The following EXOC6 variants were observed in gnomAD, a reference collection of about 807,000 sequenced individuals.
EXOC6 encodes exocyst complex component 6, also known as SEC15-like 1.
A neutral mutation model predicts 112.5 loss-of-function variants in EXOC6; 60 were observed. That is an observed-to-expected ratio of 0.53 (90% CI 0.43 to 0.66). The LOEUF (loss-of-function observed/expected upper bound fraction) is 0.66. EXOC6 is among the 30% of genes least tolerant of loss of function. The probability of loss-of-function intolerance (pLI) is 0.00; values close to 1 mark genes in which losing one functional copy is unlikely to be tolerated. For synonymous variants in EXOC6, 295 were observed against 308.0 expected (o/e 0.96, Z 0.44); for missense variants, 855 against 957.1 (o/e 0.89, Z 1.41).
intron 18 of EXOC6, among the ~76,000 whole-genome samples, chr10:92,981,366 C>T (rs1279385111): frequency 2.0e-5 from 3 of 152,154 alleles, no homozygotes; most frequent in Non-Finnish European, 2.9e-5. Context: ...TAACAGCTAA[C>T]ATTTTCTTCC....
At chr10:92,828,930 C>A (rs1472773166) in intron 1 of EXOC6, among the ~76,000 whole-genome samples, 4 of 152,004 alleles carry the variant, frequency 2.6e-5, no homozygotes, top group Middle Eastern at 3.4e-3. Flanking sequence ...GTAAGGAAGT[C>A]CTCCGTAAAC....
intron 1 of EXOC6, among the ~76,000 whole-genome samples, chr10:92,861,410 C>G (rs1424890359): frequency 6.6e-6 from 1 of 152,118 alleles, no homozygotes; most frequent in Non-Finnish European, 1.5e-5. Context: ...GCAGCTGGGT[C>G]CCCAATATCC....
intron 18 of EXOC6, among the ~76,000 whole-genome samples, chr10:92,976,393 C>T (rs1468620335): frequency 6.6e-6 from 1 of 152,094 alleles, no homozygotes; most frequent in Non-Finnish European, 1.5e-5. Flanking sequence ...GAAACATGTG[C>T]TGTGTCCACT....
intron 6 of EXOC6, among the ~76,000 whole-genome samples, chr10:92,911,888 A>G (rs1016222926): frequency 2.3e-5 from 3 of 131,514 alleles, no homozygotes; most frequent in African/African-American, 5.8e-5. Context: ...CTACCTTTCA[A>G]TTTCTTGTGG....
chr10:92,966,723 A>C (rs907467347), intron 17 of EXOC6, among the ~76,000 whole-genome samples: 2 of 146,594 alleles, frequency 1.4e-5, no homozygotes, highest in East Asian at 2.0e-4. Flanking sequence ...AGTCTTTGCT[A>C]TTGTGAATAG....
intron 20 of EXOC6, among the ~76,000 whole-genome samples, chr10:93,044,982 C>T (rs1349485100): frequency 2.6e-5 from 4 of 152,134 alleles, no homozygotes; most frequent in Non-Finnish European, 5.9e-5. Flanking sequence ...AAGCAATTCT[C>T]CTGCCTCAGC....
At chr10:92,940,385 T>TG (rs1852588384) in intron 12 of EXOC6, among the ~76,000 whole-genome samples, 1 of 152,164 alleles carries the variant, frequency 6.6e-6, no homozygotes, top group African/African-American at 2.4e-5. Context: ...CTTGTATCCT[T>TG]GGGCACCACT....
intron 1 of EXOC6, among the ~76,000 whole-genome samples, chr10:92,860,775 CAT>C (rs1589716526): frequency 6.6e-6 from 1 of 152,206 alleles, no homozygotes; most frequent in South Asian, 2.1e-4. Context: ...CATTGTAGCA[CAT>C]GTCATACTTT....
chr10:92,998,662 AC>A (rs1564898318), intron 19 of EXOC6, among the ~76,000 whole-genome samples: 13 of 150,056 alleles, frequency 8.7e-5, no homozygotes, highest in African/African-American at 3.0e-4. Context: ...ACACACACAC[AC>A]ACTCCAAAGT....
At chr10:92,951,298 T>C (rs1343891617) in intron 14 of EXOC6, among the ~76,000 whole-genome samples, 1 of 152,058 alleles carries the variant, frequency 6.6e-6, no homozygotes, top group Non-Finnish European at 1.5e-5. Context: ...GAAAAGTATA[T>C]GTAGTAGAAA....
intron 20 of EXOC6, among the ~76,000 whole-genome samples, chr10:93,040,483 G>A (rs1455172022): frequency 3.9e-5 from 6 of 152,144 alleles, no homozygotes; most frequent in Admixed American, 2.6e-4. Context: ...TCCTGACCTC[G>A]TGATCCACCT....
intron 19 of EXOC6, among the ~76,000 whole-genome samples, chr10:92,999,757 G>A (rs1324088676): frequency 1.3e-5 from 2 of 149,366 alleles, no homozygotes; most frequent in East Asian, 2.0e-4. Context: ...AGGCTGGAGT[G>A]CAGTGGCACA....
intron 11 of EXOC6, 110 bp downstream of exon 11, chr10:92,934,540 G>C: frequency 1.1e-6 from 1 of 932,552 alleles, no homozygotes; most frequent in Non-Finnish European, 1.5e-6. Flanking sequence ...CATTTTTTTA[G>C]TAGTTGCTTA....
chr10:92,883,886 G>GT (rs1554886870), intron 1 of EXOC6, among the ~76,000 whole-genome samples: 1 of 150,306 alleles, frequency 6.7e-6, no homozygotes, highest in African/African-American at 2.4e-5. Flanking sequence ...TTTTCTTTTT[G>GT]TTCTTTTCTT....
In EXOC6 at chr10:92,938,212, G is replaced by A. The variant is rs571901817; in HGVS notation, c.1212+2327G>A. 2.0e-5 allele frequency among the ~76,000 whole-genome samples: 3 copies of A among 152,172 alleles called. No individual in the cohort carries two copies. In the South Asian group the frequency reaches 6.2e-4, roughly 32 times the overall value. ...TTTAGGTAATATTGGCACTGTAAAAGCAACAATGATAGTTACATAAACCCT... is the reference window on the plus strand; with the variant it reads ...TTTAGGTAATATTGGCACTGTAAAAACAACAATGATAGTTACATAAACCCT... On this transcript the variant is annotated intron_variant, in intron 12 of 21. Coordinates refer to ENST00000260762, the MANE Select transcript of EXOC6 (RefSeq NM_019053.6).
intron 8 of EXOC6, among the ~76,000 whole-genome samples, chr10:92,923,195 G>A (rs1851537280): frequency 6.6e-6 from 1 of 152,138 alleles, no homozygotes; most frequent in Non-Finnish European, 1.5e-5. Flanking sequence ...TGTGGAATCA[G>A]GCACACAATT....
At position 92,999,061 on chromosome 10, in the gene EXOC6, G is replaced by A. The variant is rs182220977; in HGVS notation, c.2095+1446G>A. On this transcript the variant is annotated intron_variant, in intron 19 of 21. Transcript: ENST00000260762. ...TAATTTTTGTATTTTTAGTAGAGAC[G>A]GGCTTTTGCCACATTGGTCAGGCTG... Among the ~76,000 whole-genome samples, 511 of 152,044 alleles carry A rather than the reference G, an allele frequency of 3.4e-3. 3 individuals carry two copies. The highest frequency in any genetic ancestry group is 0.012 in the African/African-American group (484 of 41,478).
At chr10:92,954,609 A>T (rs200238626) in intron 15 of EXOC6, 21 bp from the exon 16 acceptor site, 22 of 1,190,536 alleles carry the variant, frequency 1.8e-5, no homozygotes, top group African/African-American at 3.0e-5. Flanking sequence ...TAAGTTTAAT[A>T]ATATCAATCT....
At chr10:92,935,513 A>G (rs1378371953) in intron 11 of EXOC6, among the ~76,000 whole-genome samples, 6 of 152,126 alleles carry the variant, frequency 3.9e-5, no homozygotes, top group Non-Finnish European at 8.8e-5. Flanking sequence ...ATAAGTAAAT[A>G]GATGAAATGT....
Sources: allele counts gnomAD v4.1 joint callset (sites outside exome capture counted in the v4.1 genomes callset), GRCh38; gene constraint gnomAD v4.1.1; transcripts MANE v1.5; gene names NCBI Gene and HGNC (gene_info 2026-07-23, HGNC 2026-07-21).